Variants in CSMD2 observed in about 807,000 individuals in gnomAD.
CSMD2 encodes CUB and sushi domain-containing protein 2.
Under a neutral mutation model 398.5 loss-of-function variants are expected in CSMD2, and 130 were observed. That is an observed-to-expected ratio of 0.33 (90% confidence interval 0.28 to 0.38). The LOEUF (loss-of-function observed/expected upper bound fraction) is 0.38, where lower values mean the gene tolerates loss of function less well. Among genes scored for constraint, CSMD2 ranks in the 10% least tolerant of loss-of-function variants. The pLI, the probability that CSMD2 is intolerant of heterozygous loss-of-function variation, is 1.00. For missense variants in CSMD2, 3,829 were observed against 4,764.9 expected (o/e 0.80, Z 5.78); for synonymous variants, 1,828 against 1,908.5 (o/e 0.96, Z 1.10).
At chr1:33,588,383 G>GT (rs138129597) in intron 44 of CSMD2, among the ~76,000 whole-genome samples, 105,636 of 151,790 alleles carry the variant, frequency 0.7, 37,626 homozygotes, top group African/African-American at 0.85. Context: ...CATCTTTTAC[G>GT]TTTTTTTCTT....
At chr1:33,713,923 C>T (rs143056261) in intron 21 of CSMD2, among the ~76,000 whole-genome samples, 29 of 152,338 alleles carry the variant, frequency 1.9e-4, no homozygotes, top group Non-Finnish European at 3.2e-4. Context: ...TGACACATCA[C>T]ATATCTAAAT....
Position 33,812,512 on chromosome 1 carries a change from C to A in CSMD2, c.1325-1648G>T, listed in dbSNP as rs1050209763. Among the ~76,000 whole-genome samples the A allele has an allele frequency of 3.9e-5, 6 of 152,248 alleles. No individual in the cohort carries two copies. The South Asian group carries it at 6.2e-4, about 16-fold the overall frequency. On this transcript the variant is annotated intron_variant, in intron 9 of 70. Coordinates refer to ENST00000373381, the MANE Select transcript of CSMD2 (RefSeq NM_001281956.2). Reference sequence around the variant, plus strand: ...TCCTTTCATTCTGTACTGAGAAACACTTAGATTCCTAGATTGCACTTGATA... The same window carrying A: ...TCCTTTCATTCTGTACTGAGAAACAATTAGATTCCTAGATTGCACTTGATA...
intron 64 of CSMD2, among the ~76,000 whole-genome samples, chr1:33,527,619 C>A (rs2148545348): frequency 6.6e-6 from 1 of 152,204 alleles, no homozygotes; most frequent in African/African-American, 2.4e-5. Flanking sequence ...GGAACATGAA[C>A]AATATTCATG....
Position 33,810,884 on chromosome 1 carries a change from C to T in CSMD2, c.1325-20G>A. The T allele has an allele frequency of 3.1e-6, 5 of 1,607,466 alleles. No homozygotes were observed. Among genetic ancestry groups the T allele is most frequent in the Non-Finnish European group, 4.2e-6 (5 of 1,177,572 alleles). On this transcript the variant is annotated intron_variant, in intron 9 of 70. Transcript: ENST00000373381. ...TGCGGGCTGCAGAGGAGATGAAAGA[C>T]AAGCCTTTGAATTAAGACTAGGTCC... is the stretch of plus-strand genomic sequence containing the variant.
chr1:33,575,724 C>T lies in CSMD2; in HGVS notation c.7576+1572G>A, dbSNP rs550628349. On this transcript the variant is annotated intron_variant, in intron 49 of 70. Coordinates refer to ENST00000373381, the MANE Select transcript of CSMD2 (RefSeq NM_001281956.2). ...TTGTCCTTGTTAATGCAGTTAGAGA[C>T]GCAGAGACCAAAGCCAAATGCCATT... Among the ~76,000 whole-genome samples, 16 of 152,240 alleles carry T rather than the reference C, an allele frequency of 1.1e-4. No individual in the cohort carries two copies. In the East Asian group the frequency reaches 1.7e-3, roughly 17 times the overall value.
intron 5 of CSMD2, chr1:33,864,687 G>T (rs1428377850): frequency 6.2e-7 from 1 of 1,613,636 alleles, no homozygotes; most frequent in Admixed American, 1.7e-5. Flanking sequence ...ACAATGTAAT[G>T]CCAGGAAGAA....
chr1:33,613,078 C>T (rs1641136544), intron 40 of CSMD2, among the ~76,000 whole-genome samples: 1 of 152,194 alleles, frequency 6.6e-6, no homozygotes, highest in South Asian at 2.1e-4. Flanking sequence ...AGTGGAGCAG[C>T]ATGTAGCTGC....
At chr1:34,072,531 C>T (rs879303389) in intron 2 of CSMD2, among the ~76,000 whole-genome samples, 6 of 152,234 alleles carry the variant, frequency 3.9e-5, no homozygotes, top group Middle Eastern at 3.4e-3. Context: ...GGGAATGTTG[C>T]GTCTTTGACC....
chr1:33,893,714 T>C (rs552085171), intron 5 of CSMD2, among the ~76,000 whole-genome samples: 16 of 152,350 alleles, frequency 1.1e-4, no homozygotes, highest in African/African-American at 3.8e-4. Context: ...AATATTTGAA[T>C]GTTGACAGCA....
chr1:34,100,196 A>G (rs1483129070), intron 1 of CSMD2, among the ~76,000 whole-genome samples: 2 of 152,156 alleles, frequency 1.3e-5, no homozygotes, highest in Non-Finnish European at 2.9e-5. Context: ...TAAAAAGGCA[A>G]TGTGGACTTG....
At chr1:33,950,319 C>T (rs149133467) in intron 3 of CSMD2, among the ~76,000 whole-genome samples, 105 of 151,704 alleles carry the variant, frequency 6.9e-4, no homozygotes, top group East Asian at 1.2e-3. Context: ...TCCAACTGTA[C>T]GTACCCGTCT....
chr1:33,540,786 C>T, intron 59 of CSMD2, 88 bp from the exon 60 acceptor site: 1 of 1,457,102 alleles, frequency 6.9e-7, no homozygotes, highest in Non-Finnish European at 9.5e-7. Flanking sequence ...GACTACCCTG[C>T]ACCCACCTAG....
intron 6 of CSMD2, among the ~76,000 whole-genome samples, chr1:33,836,143 G>T (rs997801632): frequency 6.6e-6 from 1 of 152,212 alleles, no homozygotes; most frequent in African/African-American, 2.4e-5. Flanking sequence ...GACCCTGTTT[G>T]CCTGGGTATC....
At chr1:33,877,856 T>C (rs1640949414) in intron 5 of CSMD2, among the ~76,000 whole-genome samples, 1 of 152,132 alleles carries the variant, frequency 6.6e-6, no homozygotes, top group Non-Finnish European at 1.5e-5. Flanking sequence ...ATTGCGCTGC[T>C]GAAGGGAGGG....
chr1:33,900,757 G>A (rs898190402), intron 5 of CSMD2, among the ~76,000 whole-genome samples: 6 of 150,942 alleles, frequency 4.0e-5, no homozygotes, highest in Non-Finnish European at 7.4e-5. Context: ...TCCAGCCTGG[G>A]CAACAAGGGC....
intron 32 of CSMD2, among the ~76,000 whole-genome samples, chr1:33,629,158 T>C (rs1277855666): frequency 6.6e-6 from 1 of 151,126 alleles, no homozygotes; most frequent in East Asian, 1.9e-4. Context: ...CTATTGTCAA[T>C]GAGCTAACAA....
chr1:33,916,614 C>T (rs1484677252), intron 5 of CSMD2, among the ~76,000 whole-genome samples: 1 of 152,192 alleles, frequency 6.6e-6, no homozygotes, highest in East Asian at 1.9e-4. Context: ...TGGCCAGCTT[C>T]CTGTGAGAAG....
At chr1:33,602,664 T>G (rs1412369782) in intron 42 of CSMD2, 118 bp from the exon 43 acceptor site, 30 of 933,058 alleles carry the variant, frequency 3.2e-5, no homozygotes, top group Non-Finnish European at 4.3e-5. Flanking sequence ...GGAGGTTGGG[T>G]GGGATGCGGA....
At chr1:33,943,375 T>C (rs1644737606) in intron 3 of CSMD2, among the ~76,000 whole-genome samples, 2 of 152,170 alleles carry the variant, frequency 1.3e-5, no homozygotes, top group South Asian at 2.1e-4. Context: ...CACACTTAAA[T>C]GTCACCTCCT....
Sources: gnomAD v4.1 joint callset for allele counts (sites outside exome capture counted in the v4.1 genomes callset) on GRCh38, gnomAD v4.1.1 for gene constraint, MANE v1.5 for transcripts, NCBI Gene and HGNC (gene_info 2026-07-23, HGNC 2026-07-21) for gene names.